The following KHDRBS2 variants were observed in gnomAD, a reference collection of about 807,000 sequenced individuals.
The protein encoded by KHDRBS2 is KH domain-containing, RNA-binding, signal transduction-associated protein 2.
A neutral mutation model predicts 44.3 loss-of-function variants in KHDRBS2; 26 were observed. The observed-to-expected ratio is 0.59, with a 90% CI of 0.43 to 0.81. The LOEUF is 0.81. KHDRBS2 is among the 40% of genes least tolerant of loss of function. The pLI, the probability that KHDRBS2 is intolerant of heterozygous loss-of-function variation, is 0.00. For synonymous variants in KHDRBS2, 194 were observed against 151.1 expected (o/e 1.28, Z -2.08); for missense variants, 476 against 433.1 (o/e 1.10, Z -0.88).
intron 7 of KHDRBS2, among the ~76,000 whole-genome samples, chr6:61,708,307 TCAA>T (rs946517451): frequency 6.6e-6 from 1 of 151,572 alleles, no homozygotes; most frequent in African/African-American, 2.4e-5. Flanking sequence ...CAGAAATATC[TCAA>T]CAATTTTTAC....
At chr6:61,573,626 C>G in the KHDRBS2 span, among the ~76,000 whole-genome samples, 2 of 152,014 alleles carry the variant, frequency 1.3e-5, no homozygotes, top group Non-Finnish European at 2.9e-5. Context: ...CCTGTCTCTA[C>G]TAAAAATACA....
chr6:61,625,528 C>T, the KHDRBS2 span, among the ~76,000 whole-genome samples: 1 of 151,836 alleles, frequency 6.6e-6, no homozygotes, highest in Non-Finnish European at 1.5e-5. Context: ...CTGGGCTGTC[C>T]CTAGCCCAGG....
intron 3 of KHDRBS2, among the ~76,000 whole-genome samples, chr6:62,041,019 T>A (rs1448279055): frequency 6.6e-6 from 1 of 152,100 alleles, no homozygotes; most frequent in Admixed American, 6.6e-5. Context: ...TTGGTTATAT[T>A]GCATTTGTAC....
At chr6:61,559,703 A>T in the KHDRBS2 span, among the ~76,000 whole-genome samples, 1 of 152,174 alleles carries the variant, frequency 6.6e-6, no homozygotes, top group Non-Finnish European at 1.5e-5. Flanking sequence ...CAACTTATAA[A>T]AACTCTACAC....
chr6:61,983,504 A>G (rs1488460547), intron 3 of KHDRBS2, among the ~76,000 whole-genome samples: 3 of 151,970 alleles, frequency 2.0e-5, no homozygotes, highest in East Asian at 1.9e-4. Flanking sequence ...TGGGCTTAGG[A>G]TACTTGGGAT....
chr6:61,625,090 A>T, the KHDRBS2 span, among the ~76,000 whole-genome samples: 8 of 151,910 alleles, frequency 5.3e-5, no homozygotes, highest in Non-Finnish European at 8.8e-5. Context: ...AATCCAGGTG[A>T]TCTACTTTGA....
At chr6:62,166,615 ACTTC>A (rs1818743908) in intron 2 of KHDRBS2, among the ~76,000 whole-genome samples, 1 of 152,064 alleles carries the variant, frequency 6.6e-6, no homozygotes, top group African/African-American at 2.4e-5. Context: ...ATTAATTTTT[ACTTC>A]CTTATTGCTC....
chr6:61,886,825 C>G (rs1184530374), intron 6 of KHDRBS2, among the ~76,000 whole-genome samples: 2 of 152,070 alleles, frequency 1.3e-5, no homozygotes, highest in Non-Finnish European at 2.9e-5. Context: ...AGATGGCATC[C>G]TTTTTAGAGT....
At position 61,954,334 on chromosome 6, in the gene KHDRBS2, TATAG is replaced by T. The variant is rs764698038; in HGVS notation, c.483+23728_483+23731del. On this transcript the variant is annotated intron_variant, in intron 4 of 8. Coordinates refer to ENST00000281156, the MANE Select transcript of KHDRBS2 (RefSeq NM_152688.4). ...ATATACATACATATATACATATATG[TATAG>T]ATAGATATACATATGTATGCATACA... Among the ~76,000 whole-genome samples the T allele has an allele frequency of 5.6e-4, 85 of 150,844 alleles. 2 individuals carry two copies. Among genetic ancestry groups the T allele is most frequent in the African/African-American group, 1.5e-3 (61 of 41,144 alleles).
chr6:61,687,746 T>G, intron 8 of KHDRBS2, among the ~76,000 whole-genome samples: 1 of 151,676 alleles, frequency 6.6e-6, no homozygotes, highest in South Asian at 2.1e-4. Context: ...CTAAGCTTAG[T>G]TGGTTTGAAT....
At chr6:61,642,458 C>G in the KHDRBS2 span, among the ~76,000 whole-genome samples, 1 of 143,436 alleles carries the variant, frequency 7.0e-6, no homozygotes, top group African/African-American at 2.6e-5. Context: ...GAGTTCAAGA[C>G]AAGCCTGGGC....
At chr6:61,633,364 C>T in the KHDRBS2 span, among the ~76,000 whole-genome samples, 1 of 151,950 alleles carries the variant, frequency 6.6e-6, no homozygotes, top group South Asian at 2.1e-4. Flanking sequence ...TGCTATAGAT[C>T]CCTACAGACC....
the KHDRBS2 span, among the ~76,000 whole-genome samples, chr6:61,609,624 T>G: frequency 6.6e-6 from 1 of 152,180 alleles, no homozygotes; most frequent in Non-Finnish European, 1.5e-5. Context: ...TAAAATCAGC[T>G]AGTCACTGGT....
At chr6:62,223,446 C>T (rs1420807474) in intron 1 of KHDRBS2, among the ~76,000 whole-genome samples, 1 of 152,184 alleles carries the variant, frequency 6.6e-6, no homozygotes, top group African/African-American at 2.4e-5. Flanking sequence ...CCGTGAAGAC[C>T]TAGACTTGCC....
chr6:62,268,670 C>A (rs575534553), intron 1 of KHDRBS2, among the ~76,000 whole-genome samples: 1 of 151,824 alleles, frequency 6.6e-6, no homozygotes, highest in East Asian at 1.9e-4. Flanking sequence ...AAATGTTTAA[C>A]GTGTTAATAG....
chr6:61,893,576 A>G (rs566753816), intron 6 of KHDRBS2, among the ~76,000 whole-genome samples: 1 of 152,230 alleles, frequency 6.6e-6, no homozygotes, highest in Non-Finnish European at 1.5e-5. Flanking sequence ...GCCATAAAAA[A>G]TGATGAGTTC....
intron 6 of KHDRBS2, among the ~76,000 whole-genome samples, chr6:61,850,190 C>T (rs1795226663): frequency 6.6e-6 from 1 of 151,924 alleles, no homozygotes. Context: ...GGAGGACAGA[C>T]TGAGAAAACT....
chr6:62,225,992 A>G (rs1160699092), intron 1 of KHDRBS2, among the ~76,000 whole-genome samples: 3 of 152,216 alleles, frequency 2.0e-5, no homozygotes, highest in Admixed American at 6.5e-5. Context: ...GTGTTGCAAT[A>G]AACATACATG....
intron 2 of KHDRBS2, among the ~76,000 whole-genome samples, chr6:62,104,437 A>G (rs903309295): frequency 9.9e-5 from 15 of 152,202 alleles, no homozygotes; most frequent in Non-Finnish European, 1.0e-4. Context: ...CATTCAAGTC[A>G]TGCATCGTTA....
Sources: allele counts gnomAD v4.1 joint callset (sites outside exome capture counted in the v4.1 genomes callset), GRCh38; gene constraint gnomAD v4.1.1; transcripts MANE v1.5; gene names NCBI Gene and HGNC (gene_info 2026-07-23, HGNC 2026-07-21).